The following SOX6 variants were observed in gnomAD, a reference collection of about 807,000 sequenced individuals.
The protein encoded by SOX6 is transcription factor SOX-6.
Under a neutral mutation model 97.8 loss-of-function variants are expected in SOX6, and 11 were observed. The ratio of observed to expected loss-of-function variants is 0.11; its 90% CI spans 0.07 to 0.19. The LOEUF is 0.19. Among genes scored for constraint, SOX6 ranks in the 10% least tolerant of loss-of-function variants. SOX6 has a pLI of 1.00. For missense variants in SOX6, 810 were observed against 1,039.5 expected (o/e 0.78, Z 3.04); for synonymous variants, 360 against 371.4 (o/e 0.97, Z 0.35).
At chr11:16,011,340 C>A (rs1001540590) in intron 13 of SOX6, among the ~76,000 whole-genome samples, 1 of 152,090 alleles carries the variant, frequency 6.6e-6, no homozygotes, top group African/African-American at 2.4e-5. Flanking sequence ...AAACCTTAAA[C>A]ATGTTTCCTA....
chr11:16,616,934 A>T (rs1288378392), intron 3 of SOX6, among the ~76,000 whole-genome samples: 2 of 151,942 alleles, frequency 1.3e-5, no homozygotes, highest in African/African-American at 2.4e-5. Context: ...CTAAAAGAAG[A>T]CTGAAACTGT....
At chr11:16,213,011 G>A (rs192656934) in intron 4 of SOX6, among the ~76,000 whole-genome samples, 1 of 152,206 alleles carries the variant, frequency 6.6e-6, no homozygotes, top group East Asian at 1.9e-4. Flanking sequence ...CCTAACAGTG[G>A]TGACTCTCAG....
At chr11:16,086,637 G>A (rs1848583992) in intron 9 of SOX6, among the ~76,000 whole-genome samples, 2 of 152,078 alleles carry the variant, frequency 1.3e-5, no homozygotes, top group African/African-American at 4.8e-5. Context: ...TACTCCAGGA[G>A]ACTCATCAAA....
intron 3 of SOX6, among the ~76,000 whole-genome samples, chr11:16,643,343 T>G (rs1848955713): frequency 6.6e-6 from 1 of 152,206 alleles, no homozygotes; most frequent in Non-Finnish European, 1.5e-5. Flanking sequence ...TGCCTCCCAG[T>G]TAGGCTACTC....
chr11:16,139,409 T>G (rs1457763301), intron 6 of SOX6, among the ~76,000 whole-genome samples: 1 of 152,186 alleles, frequency 6.6e-6, no homozygotes, highest in African/African-American at 2.4e-5. Context: ...GAGCTTTCTC[T>G]TCTCTTTTAT....
intron 3 of SOX6, among the ~76,000 whole-genome samples, chr11:16,637,233 T>C (rs1394292645): frequency 6.6e-6 from 1 of 152,204 alleles, no homozygotes. Context: ...CTTATCTTTT[T>C]ATTTTGAGAT....
chr11:16,428,873 G>A (rs142181982), intron 1 of SOX6, among the ~76,000 whole-genome samples: 2,935 of 152,262 alleles, frequency 0.019, 92 homozygotes, highest in African/African-American at 0.067. Context: ...AAAGTCATTG[G>A]TAGCTTGATG....
chr11:16,423,739 G>A (rs533661496), intron 1 of SOX6, among the ~76,000 whole-genome samples: 37 of 152,294 alleles, frequency 2.4e-4, no homozygotes, highest in African/African-American at 8.9e-4. Flanking sequence ...AACTAAGGCT[G>A]AGGACAGACC....
intron 2 of SOX6, among the ~76,000 whole-genome samples, chr11:16,333,495 A>G (rs1372317607): frequency 1.3e-5 from 2 of 152,148 alleles, no homozygotes; most frequent in Non-Finnish European, 2.9e-5. Flanking sequence ...AACCACCTAT[A>G]GACTGAAACA....
chr11:16,329,770 A>G (rs1856226419), intron 2 of SOX6, among the ~76,000 whole-genome samples: 1 of 152,198 alleles, frequency 6.6e-6, no homozygotes, highest in African/African-American at 2.4e-5. Context: ...ACAAGTGACT[A>G]TTTGGCCTCT....
At chr11:16,388,407 A>G (rs1858061816) in intron 1 of SOX6, among the ~76,000 whole-genome samples, 1 of 152,052 alleles carries the variant, frequency 6.6e-6, no homozygotes, top group South Asian at 2.1e-4. Context: ...GTTTGGTGTT[A>G]GGGTTATGCT....
chr11:16,224,460 T>C (rs1445004560), intron 4 of SOX6, among the ~76,000 whole-genome samples: 1 of 152,064 alleles, frequency 6.6e-6, no homozygotes, highest in Non-Finnish European at 1.5e-5. Context: ...CTTAATCATA[T>C]GGTAGGAATT....
intron 4 of SOX6, among the ~76,000 whole-genome samples, chr11:16,234,189 C>T (rs528128701): frequency 1.3e-5 from 2 of 152,114 alleles, no homozygotes; most frequent in African/African-American, 4.8e-5. Flanking sequence ...GTGCTACAGG[C>T]AACCCATTTT....
chr11:16,661,292 C>A (rs376870860), intron 3 of SOX6, among the ~76,000 whole-genome samples: 1 of 152,082 alleles, frequency 6.6e-6, no homozygotes, highest in Non-Finnish European at 1.5e-5. Flanking sequence ...TGTGTTAGTA[C>A]GGTATATCTT....
intron 2 of SOX6, among the ~76,000 whole-genome samples, chr11:16,721,224 G>A (rs1252727801): frequency 6.6e-6 from 1 of 152,138 alleles, no homozygotes; most frequent in Non-Finnish European, 1.5e-5. Flanking sequence ...GGGGTTAGAG[G>A]CCCCACTCAG....
At chr11:16,275,298 A>T (rs2134235260) in intron 3 of SOX6, among the ~76,000 whole-genome samples, 1 of 151,112 alleles carries the variant, frequency 6.6e-6, no homozygotes. Flanking sequence ...AAAAAAAAAA[A>T]AAAAAAATAG....
At chr11:16,010,439 T>C (rs1450966882) in intron 13 of SOX6, among the ~76,000 whole-genome samples, 1 of 152,022 alleles carries the variant, frequency 6.6e-6, no homozygotes, top group Non-Finnish European at 1.5e-5. Context: ...GGCTTATCTT[T>C]CACTATGCCC....
intron 4 of SOX6, among the ~76,000 whole-genome samples, chr11:16,586,131 A>G (rs1335270716): frequency 8.5e-5 from 13 of 152,206 alleles, no homozygotes; most frequent in Admixed American, 4.6e-4. Flanking sequence ...CTATATCTAA[A>G]AAGAAATTTT....
In SOX6 at chr11:16,466,930, C is replaced by CAAAAAAAAAAAAAAAAAAAAAAAAAA. The variant is rs764424447; in HGVS notation, c.-5+9384_-5+9385insTTTTTTTTTTTTTTTTTTTTTTTTTT. Among the ~76,000 whole-genome samples the CAAAAAAAAAAAAAAAAAAAAAAAAAA allele has an allele frequency of 4.8e-5, 2 of 41,544 alleles. 1 individual carries two copies. The highest frequency in any genetic ancestry group is 8.6e-5 in the Non-Finnish European group (2 of 23,152). 27.3% of individuals were successfully genotyped at this position (41,544 alleles called of 152,430 possible). On this transcript the variant is annotated intron_variant, in intron 1 of 15. Transcript: ENST00000396356. The stretch of plus-strand genomic sequence containing the variant: ...TGGGCGACAGAGCGAGACTCCGTCT[C>CAAAAAAAAAAAAAAAAAAAAAAAAAA]AAAAAAAAAAAAAAAAAAAAAAAAC...
Sources: allele counts gnomAD v4.1 joint callset (sites outside exome capture counted in the v4.1 genomes callset), GRCh38; gene constraint gnomAD v4.1.1; transcripts MANE v1.5; gene names NCBI Gene and HGNC (gene_info 2026-07-23, HGNC 2026-07-21).